The following LRCH2 variants were observed in gnomAD, a reference collection of about 807,000 sequenced individuals.
LRCH2 encodes leucine-rich repeat and calponin homology domain-containing protein 2.
LRCH2 carries 38 observed loss-of-function variants against 68.9 expected under a neutral mutation model. The ratio of observed to expected loss-of-function variants is 0.55; its 90% CI spans 0.43 to 0.72. The LOEUF (loss-of-function observed/expected upper bound fraction) is 0.72, where lower values mean the gene tolerates loss of function less well. Ranked by LOEUF, LRCH2 falls within the 30% of genes least tolerant of loss-of-function variation. LRCH2 has a pLI of 0.00. For synonymous variants in LRCH2, 191 were observed against 208.1 expected (o/e 0.92, Z 0.71); for missense variants, 528 against 572.9 (o/e 0.92, Z 0.80).
At chrX:115,223,504 T>C (rs1189744246) in intron 1 of LRCH2, among the ~76,000 whole-genome samples, 1 of 110,268 alleles carries the variant, frequency 9.1e-6, no homozygotes, top group Non-Finnish European at 1.9e-5. Flanking sequence ...AATTAGTAAA[T>C]GGACAAAGGG....
At chrX:115,170,499 C>T in intron 5 of LRCH2, 67 bp from the exon 6 acceptor site, 1 of 878,167 alleles carries the variant, frequency 1.1e-6, no homozygotes, top group Non-Finnish European at 1.5e-6. Flanking sequence ...CATTTTAAAC[C>T]ATTCAATAGT....
intron 1 of LRCH2, among the ~76,000 whole-genome samples, chrX:115,230,205 A>G (rs2073144268): frequency 9.0e-6 from 1 of 111,559 alleles, no homozygotes; most frequent in Non-Finnish European, 1.9e-5. Flanking sequence ...CTCGGAGAAG[A>G]CATTACAGCA....
intron 7 of LRCH2, 69 bp from the exon 8 acceptor site, chrX:115,166,021 T>C (rs1556544799): frequency 4.8e-5 from 38 of 797,560 alleles, no homozygotes; most frequent in Admixed American, 1.3e-4. Flanking sequence ...GTTACTTCAA[T>C]TTTACATATG....
intron 11 of LRCH2, 71 bp downstream of exon 11, chrX:115,163,605 G>T: frequency 1.3e-6 from 1 of 751,044 alleles, no homozygotes; most frequent in South Asian, 3.0e-5. Flanking sequence ...CATATACTTT[G>T]ATAATCTTTA....
At chrX:115,190,720 C>G (rs1346438615) in intron 1 of LRCH2, 1 of 1,119,081 alleles carries the variant, frequency 8.9e-7, no homozygotes, top group Non-Finnish European at 1.2e-6. Flanking sequence ...TGAGGAGTAC[C>G]GAGGCCGCTC....
intron 1 of LRCH2, among the ~76,000 whole-genome samples, chrX:115,220,538 G>A (rs1426780897): frequency 9.0e-6 from 1 of 111,097 alleles, no homozygotes; most frequent in Admixed American, 9.6e-5. Context: ...CTTTGCACAT[G>A]GCTAATGGAG....
At chrX:115,203,773 C>G (rs2072946129) in intron 1 of LRCH2, among the ~76,000 whole-genome samples, 1 of 112,390 alleles carries the variant, frequency 8.9e-6, no homozygotes, top group South Asian at 3.7e-4. Context: ...GGGTATAGCC[C>G]CCGTCGCTGG....
chrX:115,204,112 T>C (rs2072948973), intron 1 of LRCH2, among the ~76,000 whole-genome samples: 1 of 113,128 alleles, frequency 8.8e-6, no homozygotes, highest in Non-Finnish European at 1.9e-5. Context: ...CCACCAAAGC[T>C]TGAGGCTTGC....
intron 12 of LRCH2, among the ~76,000 whole-genome samples, chrX:115,152,070 C>T (rs1229939760): frequency 9.0e-6 from 1 of 111,482 alleles, no homozygotes; most frequent in African/African-American, 3.3e-5. Flanking sequence ...TAAAATCACC[C>T]TCAAAGCTTA....
chrX:115,208,679 A>C (rs991500068), intron 1 of LRCH2, among the ~76,000 whole-genome samples: 3 of 111,977 alleles, frequency 2.7e-5, no homozygotes, highest in African/African-American at 6.5e-5. Flanking sequence ...ATACAAAATG[A>C]CTTTCAGAAA....
intron 1 of LRCH2, among the ~76,000 whole-genome samples, chrX:115,213,367 T>C (rs2073020858): frequency 9.0e-6 from 1 of 111,361 alleles, no homozygotes; most frequent in African/African-American, 3.3e-5. Flanking sequence ...ATTTCCAGAG[T>C]CTGTGATAGA....
At chrX:115,161,930 GTT>G (rs71986178) in intron 11 of LRCH2, among the ~76,000 whole-genome samples, 1 of 82,804 alleles carries the variant, frequency 1.2e-5, no homozygotes, top group African/African-American at 4.5e-5. Flanking sequence ...AGGCCTGTCG[GTT>G]TTTTTTTTTT....
chrX:115,202,678 A>G (rs2072938562), intron 1 of LRCH2, among the ~76,000 whole-genome samples: 1 of 112,352 alleles, frequency 8.9e-6, no homozygotes, highest in African/African-American at 3.2e-5. Context: ...TAACATTTAT[A>G]GCAGCCTTAT....
intron 3 of LRCH2, among the ~76,000 whole-genome samples, chrX:115,183,775 G>A (rs1294419884): frequency 1.8e-5 from 2 of 112,251 alleles, no homozygotes; most frequent in Admixed American, 1.9e-4. Context: ...GGTATACTGC[G>A]TAAAGTGGAG....
intron 6 of LRCH2, among the ~76,000 whole-genome samples, chrX:115,168,961 C>T (rs2072585164): frequency 9.0e-6 from 1 of 111,490 alleles, no homozygotes; most frequent in South Asian, 3.7e-4. Flanking sequence ...TACCACGTTT[C>T]CCTTCAGCTA....
chrX:115,162,672 T>C (rs1556542460), intron 11 of LRCH2, among the ~76,000 whole-genome samples: 1 of 111,681 alleles, frequency 9.0e-6, no homozygotes, highest in Non-Finnish European at 1.9e-5. Context: ...CCCTAAAAAG[T>C]GGCCCCTAGA....
intron 1 of LRCH2, among the ~76,000 whole-genome samples, chrX:115,195,724 T>C (rs2072882609): frequency 9.0e-6 from 1 of 111,221 alleles, no homozygotes; most frequent in South Asian, 3.8e-4. Context: ...GAACTGGCAA[T>C]GAATCCCTAA....
chrX:115,113,484 A>C, intron 20 of LRCH2, 149 bp from the exon 21 acceptor site: 6 of 425,402 alleles, frequency 1.4e-5, no homozygotes, highest in South Asian at 8.8e-5. Context: ...GTAATCTAAA[A>C]TGTTTTTAGA....
At chrX:115,174,374 C>T (rs1163448276) in intron 5 of LRCH2, among the ~76,000 whole-genome samples, 1 of 110,172 alleles carries the variant, frequency 9.1e-6, no homozygotes, top group Non-Finnish European at 1.9e-5. Flanking sequence ...ATCCACACCC[C>T]CCAGCCCCTG....
Sources: allele counts gnomAD v4.1 joint callset (sites outside exome capture counted in the v4.1 genomes callset), GRCh38; gene constraint gnomAD v4.1.1; transcripts MANE v1.5; gene names NCBI Gene and HGNC (gene_info 2026-07-23, HGNC 2026-07-21).